The following SH3RF3 variants were observed in gnomAD, a reference collection of about 807,000 sequenced individuals.
SH3RF3 encodes SH3 domain containing ring finger 3, also known as E3 ubiquitin-protein ligase SH3RF3.
A neutral mutation model predicts 66.3 loss-of-function variants in SH3RF3; 29 were observed. The ratio of observed to expected loss-of-function variants is 0.44; its 90% confidence interval spans 0.33 to 0.60. The LOEUF is 0.60. SH3RF3 is among the 20% of genes least tolerant of loss of function. The pLI is 0.04. For synonymous variants in SH3RF3, 583 were observed against 532.0 expected (o/e 1.10, Z -1.32); for missense variants, 1,194 against 1,190.9 (o/e 1.00, Z -0.04).
intron 8 of SH3RF3, among the ~76,000 whole-genome samples, chr2:109,463,890 G>T (rs1475660579): frequency 6.6e-6 from 1 of 152,132 alleles, no homozygotes; most frequent in East Asian, 1.9e-4. Context: ...TGCCAGAGGT[G>T]GTATAGACAG....
Position 109,129,903 on chromosome 2 carries a change from C to T in SH3RF3, c.363C>T (p.Ile121=). 6.6e-7 allele frequency: 1 copy of T among 1,507,594 alleles called. No individual in the cohort carries two copies. The highest frequency in any genetic ancestry group is 8.8e-7 in the Non-Finnish European group (1 of 1,133,844). The allele number at this position is 1,507,594 out of a possible 1,614,324, so 93.4% of individuals were successfully genotyped here. Residue 121 remains isoleucine (I), a synonymous_variant, in exon 1 of 10, where the codon ATC becomes ATT. Coordinates refer to ENST00000309415, the MANE Select transcript of SH3RF3 (RefSeq NM_001099289.3). ...TGCTGGTGCGACTGCTGGACGGCATCCGTCAGCGGCCCCGCGCGGGCACCA... is the reference window on the plus strand; with the variant it reads ...TGCTGGTGCGACTGCTGGACGGCATTCGTCAGCGGCCCCGCGCGGGCACCA... ...NILLVRLLDG[I]RQRPRAGTSP... is the part of the protein sequence containing the mutation.
intron 8 of SH3RF3, among the ~76,000 whole-genome samples, chr2:109,485,886 T>C (rs1166860987): frequency 6.6e-6 from 1 of 152,240 alleles, no homozygotes; most frequent in Non-Finnish European, 1.5e-5. Flanking sequence ...CTCCAGTCCC[T>C]GGCCCTCCCT....
chr2:109,395,632 C>T (rs1351073176), intron 3 of SH3RF3, among the ~76,000 whole-genome samples: 2 of 152,234 alleles, frequency 1.3e-5, no homozygotes, highest in Admixed American at 6.5e-5. Flanking sequence ...GTCTCCCCAC[C>T]CTCACTCTCT....
intron 8 of SH3RF3, among the ~76,000 whole-genome samples, chr2:109,486,640 C>T (rs548173310): frequency 1.3e-4 from 20 of 152,150 alleles, no homozygotes; most frequent in Non-Finnish European, 2.2e-4. Flanking sequence ...AGAAACAAAA[C>T]GCAGGTGGTG....
intron 4 of SH3RF3, among the ~76,000 whole-genome samples, chr2:109,409,271 G>A (rs912310675): frequency 7.2e-5 from 11 of 152,180 alleles, no homozygotes; most frequent in African/African-American, 2.7e-4. Flanking sequence ...TCTCATCATA[G>A]ACACCTAGAG....
At chr2:109,446,824 C>G (rs1677718636) in intron 7 of SH3RF3, among the ~76,000 whole-genome samples, 1 of 152,064 alleles carries the variant, frequency 6.6e-6, no homozygotes, top group South Asian at 2.1e-4. Flanking sequence ...GGGAAGCCGG[C>G]CAGGAGGTAG....
chr2:109,137,245 A>G lies in SH3RF3; in HGVS notation c.573+7132A>G, dbSNP rs140393867. Among the ~76,000 whole-genome samples the G allele has an allele frequency of 1.2e-4, 18 of 152,202 alleles. No individual in the cohort carries two copies. The East Asian group carries it at 3.5e-3, about 29-fold the overall frequency. Reference sequence around the variant, plus strand: ...AGTGGGTTCTCACCTCTTTTTGTTTATTCTTCCATAGTCTAGATTTGCCAA... The same window carrying G: ...AGTGGGTTCTCACCTCTTTTTGTTTGTTCTTCCATAGTCTAGATTTGCCAA... On this transcript the variant is annotated intron_variant, in intron 1 of 9. Transcript: ENST00000309415.
intron 1 of SH3RF3, among the ~76,000 whole-genome samples, chr2:109,202,948 A>G (rs1398276247): frequency 2.6e-5 from 4 of 152,200 alleles, no homozygotes; most frequent in East Asian, 1.9e-4. Context: ...TGCAAACACA[A>G]TGGGAGCTGG....
chr2:109,372,783 T>C (rs1683303186), intron 3 of SH3RF3, among the ~76,000 whole-genome samples: 1 of 152,198 alleles, frequency 6.6e-6, no homozygotes, highest in Non-Finnish European at 1.5e-5. Flanking sequence ...CTGGGCTCCA[T>C]GTGTCCCCCC....
chr2:109,492,339 G>T (rs1679150878), intron 9 of SH3RF3, among the ~76,000 whole-genome samples: 1 of 152,228 alleles, frequency 6.6e-6, no homozygotes, highest in African/African-American at 2.4e-5. Flanking sequence ...AGCCTATGGG[G>T]CTAGGCCTGG....
intron 3 of SH3RF3, among the ~76,000 whole-genome samples, chr2:109,381,582 C>T (rs1174377739): frequency 6.6e-6 from 1 of 152,024 alleles, no homozygotes; most frequent in Non-Finnish European, 1.5e-5. Context: ...TTCTTGTCTT[C>T]CCTTTCACTT....
At chr2:109,252,648 G>A (rs946846588) in intron 1 of SH3RF3, among the ~76,000 whole-genome samples, 4 of 152,206 alleles carry the variant, frequency 2.6e-5, no homozygotes, top group African/African-American at 9.7e-5. Flanking sequence ...GAAAACGCAT[G>A]TAATACACCA....
intron 1 of SH3RF3, among the ~76,000 whole-genome samples, chr2:109,226,028 C>G (rs766069580): frequency 6.6e-6 from 1 of 152,180 alleles, no homozygotes; most frequent in Non-Finnish European, 1.5e-5. Flanking sequence ...AGTATTTTGT[C>G]AGGAAAAAAT....
chr2:109,380,533 A>G (rs1056263155), intron 3 of SH3RF3, among the ~76,000 whole-genome samples: 13 of 152,214 alleles, frequency 8.5e-5, no homozygotes, highest in Non-Finnish European at 1.8e-4. Flanking sequence ...CAGTTCTTGT[A>G]TATCTGTGGC....
At chr2:109,454,043 C>T (rs554408220) in intron 8 of SH3RF3, among the ~76,000 whole-genome samples, 60 of 152,322 alleles carry the variant, frequency 3.9e-4, no homozygotes, top group African/African-American at 1.4e-3. Flanking sequence ...CTTAAATATC[C>T]TGTAACTTAA....
chr2:109,431,802 T>C (rs982886206), intron 5 of SH3RF3, among the ~76,000 whole-genome samples: 1 of 152,092 alleles, frequency 6.6e-6, no homozygotes, highest in East Asian at 1.9e-4. Context: ...GCCCAGGCCA[T>C]TGAGGCTGCA....
intron 8 of SH3RF3, among the ~76,000 whole-genome samples, chr2:109,467,273 G>A (rs1428584507): frequency 2.6e-5 from 4 of 152,264 alleles, no homozygotes; most frequent in Non-Finnish European, 4.4e-5. Context: ...ACAGACAGTG[G>A]CTCAACCCTG....
intron 1 of SH3RF3, among the ~76,000 whole-genome samples, chr2:109,197,334 T>G (rs1007661917): frequency 6.6e-6 from 1 of 151,838 alleles, no homozygotes; most frequent in Non-Finnish European, 1.5e-5. Flanking sequence ...CAGGAGGGGT[T>G]AAGAAGGGAA....
chr2:109,204,979 A>AGGAG (rs1053678312), intron 1 of SH3RF3, among the ~76,000 whole-genome samples: 1 of 152,166 alleles, frequency 6.6e-6, no homozygotes, highest in African/African-American at 2.4e-5. Context: ...AGGCTGAGGC[A>AGGAG]GGAGGATCAC....
Sources: gnomAD v4.1 joint callset for allele counts (sites outside exome capture counted in the v4.1 genomes callset) on GRCh38, gnomAD v4.1.1 for gene constraint, MANE v1.5 for transcripts, NCBI Gene and HGNC (gene_info 2026-07-23, HGNC 2026-07-21) for gene names.